Variants in PPP4R2 observed in about 807,000 individuals in gnomAD.
PPP4R2 encodes protein phosphatase 4 regulatory subunit 2, also known as serine/threonine-protein phosphatase 4 regulatory subunit 2.
A neutral mutation model predicts 47.2 loss-of-function variants in PPP4R2; 13 were observed. That is an observed-to-expected ratio of 0.28 (90% CI 0.18 to 0.44). The LOEUF (loss-of-function observed/expected upper bound fraction) is 0.44. PPP4R2 is among the 20% of genes least tolerant of loss of function. The pLI, the probability that PPP4R2 is intolerant of heterozygous loss-of-function variation, is 1.00. For missense variants in PPP4R2, 421 were observed against 491.2 expected, an observed-to-expected ratio of 0.86 and a Z score of 1.35; for synonymous variants, 151 against 163.3, an observed-to-expected ratio of 0.92 and a Z score of 0.57.
chr3:72,997,043 C>G lies in PPP4R2; in HGVS notation c.6C>G (p.Asp2Glu), dbSNP rs1382259057. Residue 2 changes from aspartate (D) to glutamate (E), a missense_variant, in exon 1 of 9, where the codon GAC (aspartate) becomes GAG (glutamate). Around this residue, in one of 2 missense-constraint regions of PPP4R2, gnomAD observed 104 missense variants for 203.7 expected, o/e 0.51. Transcript: ENST00000356692. MDVERLQEALKD... is the reference protein window; with the variant it reads MEVERLQEALKD... ...GTGAGGGACTCCGGGAAGCCATGGACGTCGAGAGGCTCCAGGAGGCGCTGA... is the reference window on the plus strand; with the variant it reads ...GTGAGGGACTCCGGGAAGCCATGGAGGTCGAGAGGCTCCAGGAGGCGCTGA... 1 of 1,406,568 alleles carries G rather than the reference C, an allele frequency of 7.1e-7. No homozygotes were observed. Among genetic ancestry groups the G allele is most frequent in the Admixed American group, 2.5e-5 (1 of 39,828 alleles). 87.1% of individuals were successfully genotyped at this position (1,406,568 alleles called of 1,614,324 possible).
At chr3:73,054,429 T>C (rs913447096) in intron 3 of PPP4R2, among the ~76,000 whole-genome samples, 1 of 152,250 alleles carries the variant, frequency 6.6e-6, no homozygotes, top group African/African-American at 2.4e-5. Context: ...TGTAAGACTT[T>C]GTAGGTGTAA....
At chr3:73,062,085 G>A in intron 5 of PPP4R2, 1 of 1,535,876 alleles carries the variant, frequency 6.5e-7, no homozygotes, top group Non-Finnish European at 8.8e-7. Flanking sequence ...ACTAATAATG[G>A]GTTATTTTCT....
chr3:73,026,774 A>G (rs560864649), intron 2 of PPP4R2, among the ~76,000 whole-genome samples: 1 of 152,180 alleles, frequency 6.6e-6, no homozygotes, highest in African/African-American at 2.4e-5. Context: ...GCCTAAGACA[A>G]TTTCTCTTCC....
Position 73,004,196 on chromosome 3 carries a change from G to GC in PPP4R2, c.116+6044dup, listed in dbSNP as rs1232942502. Among the ~76,000 whole-genome samples the GC allele has an allele frequency of 5.8e-5, 7 of 120,472 alleles. No homozygotes were observed. The East Asian group carries it at 1.7e-3, about 29-fold the overall frequency. The allele number at this position is 120,472 out of a possible 152,430, so 79.0% of individuals were successfully genotyped here. A position where few individuals can be genotyped will look rare whatever the true frequency, so the allele number is the denominator to read the frequency against. ...TGCCTTTTATTCTTTTTTTTTTTTT[G>GC]CCCCCCTTTTTATTTCCCCTTTTTG... is the stretch of plus-strand genomic sequence containing the variant. On this transcript the variant is annotated intron_variant, in intron 2 of 8. Coordinates refer to ENST00000356692, the MANE Select transcript of PPP4R2 (RefSeq NM_174907.4).
chr3:73,064,217 CACTT>C lies in PPP4R2; in HGVS notation c.638+75_638+78del, dbSNP rs1702935675. Reference sequence around the variant, plus strand: ...AAGTTAACATTTAATCAGTACTTATCACTTACTATTTATAAGTTCTGAGGGACAG... The same window carrying C: ...AAGTTAACATTTAATCAGTACTTATCACTATTTATAAGTTCTGAGGGACAG... On this transcript the variant is annotated intron_variant, in intron 7 of 8. Transcript: ENST00000356692. The C allele has an allele frequency of 7.7e-6, 10 of 1,294,754 alleles. No homozygotes were observed. In the South Asian group the frequency reaches 1.0e-4, roughly 13 times the overall value. 80.2% of individuals were successfully genotyped at this position (1,294,754 alleles called of 1,614,324 possible). A position where few individuals can be genotyped will look rare whatever the true frequency, so the allele number is the denominator to read the frequency against.
chr3:73,027,875 C>T (rs894319257), intron 2 of PPP4R2: 55 of 151,282 alleles, frequency 3.6e-4, no homozygotes, highest in African/African-American at 1.1e-3. Flanking sequence ...AAAGCCTCCC[C>T]ACCGCTCCCC....
chr3:73,012,953 AT>A (rs1336114935), intron 2 of PPP4R2, among the ~76,000 whole-genome samples: 1 of 148,770 alleles, frequency 6.7e-6, no homozygotes, highest in Non-Finnish European at 1.5e-5. Context: ...CTAGTGGTGA[AT>A]TTGAGATTTT....
At chr3:73,042,442 G>C (rs921893302) in intron 2 of PPP4R2, among the ~76,000 whole-genome samples, 1 of 140,754 alleles carries the variant, frequency 7.1e-6, no homozygotes, top group African/African-American at 2.7e-5. Context: ...TTGGCTCACT[G>C]CAACCTCCGC....
chr3:73,058,379 G>T (rs1392492716), intron 3 of PPP4R2, among the ~76,000 whole-genome samples: 1 of 151,898 alleles, frequency 6.6e-6, no homozygotes, highest in South Asian at 2.1e-4. Context: ...CCCCCAACTT[G>T]ATTATTATTT....
intron 2 of PPP4R2, among the ~76,000 whole-genome samples, chr3:73,007,486 T>C (rs1485043635): frequency 2.9e-5 from 1 of 34,646 alleles, no homozygotes; most frequent in Non-Finnish European, 6.1e-5. Context: ...TGTTTTTTGT[T>C]TTTTTTTGTG....
At chr3:73,017,650 A>AT (rs1472490286) in intron 2 of PPP4R2, among the ~76,000 whole-genome samples, 1 of 151,980 alleles carries the variant, frequency 6.6e-6, no homozygotes. Context: ...CATCATATAT[A>AT]TGCATTTTGG....
intron 2 of PPP4R2, among the ~76,000 whole-genome samples, chr3:73,018,466 G>GTTATGTTATT (rs1553646475): frequency 1.5e-5 from 1 of 68,740 alleles, no homozygotes; most frequent in Admixed American, 1.4e-4. Context: ...TGTTATGTTA[G>GTTATGTTATT]TATCCGAAAC....
chr3:73,052,112 A>AAATG (rs1342845596), intron 3 of PPP4R2, among the ~76,000 whole-genome samples: 1 of 152,190 alleles, frequency 6.6e-6, no homozygotes. Flanking sequence ...GTGGATGGAT[A>AAATG]AATGAATGAA....
At chr3:73,061,770 A>T (rs1702863358) in intron 5 of PPP4R2, 1 of 291,020 alleles carries the variant, frequency 3.4e-6, no homozygotes, top group Non-Finnish European at 6.4e-6. Flanking sequence ...GTGATGAGTG[A>T]TCATAGCTCA....
At chr3:73,037,875 G>C (rs1384110604) in intron 2 of PPP4R2, among the ~76,000 whole-genome samples, 1 of 152,116 alleles carries the variant, frequency 6.6e-6, no homozygotes, top group Non-Finnish European at 1.5e-5. Context: ...CTGTAAGTCT[G>C]GTTTTCCAAA....
intron 2 of PPP4R2, among the ~76,000 whole-genome samples, chr3:73,020,460 T>G (rs1232804418): frequency 1.3e-5 from 2 of 152,076 alleles, no homozygotes; most frequent in Non-Finnish European, 2.9e-5. Context: ...CCAGGAGTTT[T>G]GAGACCAGCC....
intron 2 of PPP4R2, among the ~76,000 whole-genome samples, chr3:73,002,437 T>C (rs1296991969): frequency 6.6e-6 from 1 of 151,886 alleles, no homozygotes; most frequent in Non-Finnish European, 1.5e-5. Flanking sequence ...ATAATTTTTT[T>C]TGTAGAGACA....
chr3:73,011,323 T>C (rs1701720955), intron 2 of PPP4R2, among the ~76,000 whole-genome samples: 1 of 151,890 alleles, frequency 6.6e-6, no homozygotes, highest in South Asian at 2.1e-4. Flanking sequence ...CTACTGAAAA[T>C]AGAAAAAATT....
chr3:73,041,952 C>G (rs1038897718), intron 2 of PPP4R2, among the ~76,000 whole-genome samples: 1 of 151,990 alleles, frequency 6.6e-6, no homozygotes, highest in African/African-American at 2.4e-5. Context: ...AATCTAGCAC[C>G]AGGATATATT....
Sources: allele counts gnomAD v4.1 joint callset (sites outside exome capture counted in the v4.1 genomes callset), GRCh38; gene constraint gnomAD v4.1.1; regional missense constraint gnomAD v4.1.1; transcripts MANE v1.5; gene names NCBI Gene and HGNC (gene_info 2026-07-23, HGNC 2026-07-21).